The following PCDH15 variants were observed in gnomAD, a reference collection of about 807,000 sequenced individuals.
The protein encoded by PCDH15 is protocadherin related 15.
Under a neutral mutation model 178.5 loss-of-function variants are expected in PCDH15, and 129 were observed. The ratio of observed to expected loss-of-function variants is 0.72; its 90% CI spans 0.63 to 0.84. The LOEUF (loss-of-function observed/expected upper bound fraction) is 0.84. PCDH15 is among the 40% of genes least tolerant of loss of function. The probability of loss-of-function intolerance (pLI) is 0.00; values close to 1 mark genes in which losing one functional copy is unlikely to be tolerated. For synonymous variants in PCDH15, 800 were observed against 732.0 expected (o/e 1.09, Z -1.50); for missense variants, 2,230 against 2,099.9 (o/e 1.06, Z -1.21).
intron 13 of PCDH15, among the ~76,000 whole-genome samples, chr10:54,157,610 T>C (rs1294662042): frequency 6.6e-6 from 1 of 152,224 alleles, no homozygotes; most frequent in Non-Finnish European, 1.5e-5. Context: ...TTTTCCCCAT[T>C]GTCTTGGGGA....
chr10:53,844,488 A>C (rs2077851149), intron 28 of PCDH15, among the ~76,000 whole-genome samples: 1 of 151,998 alleles, frequency 6.6e-6, no homozygotes, highest in Admixed American at 6.6e-5. Context: ...CAAGAAACAG[A>C]AAATTTGCTT....
In PCDH15 at chr10:55,060,032, A is replaced by G. The variant is rs60345363; in HGVS notation, c.-80+106544T>C. On this transcript the variant is annotated intron_variant, in intron 2 of 5. Transcript: ENST00000458638. ...ATTGGAACAACTTATTCCTGATTAC[A>G]TATTCCCACTGTTCAGCTCTACTGC... Among the ~76,000 whole-genome samples, 746 of 152,204 alleles carry G rather than the reference A, an allele frequency of 4.9e-3. 3 individuals carry two copies. The highest frequency in any genetic ancestry group is 0.017 in the African/African-American group (719 of 41,554).
At chr10:54,324,266 C>T (rs2061795118) in intron 7 of PCDH15, among the ~76,000 whole-genome samples, 1 of 151,952 alleles carries the variant, frequency 6.6e-6, no homozygotes, top group African/African-American at 2.4e-5. Context: ...GCAATGCTTA[C>T]ACATTTTATT....
intron 2 of PCDH15, among the ~76,000 whole-genome samples, chr10:55,412,938 CTG>C (rs1432869977): frequency 6.7e-6 from 1 of 150,084 alleles, no homozygotes; most frequent in Admixed American, 6.7e-5. Flanking sequence ...TGAACTGCAA[CTG>C]TGTCTGTATA....
At chr10:53,977,729 C>A (rs562834701) in intron 21 of PCDH15, among the ~76,000 whole-genome samples, 1 of 152,310 alleles carries the variant, frequency 6.6e-6, no homozygotes, top group African/African-American at 2.4e-5. Context: ...CAAGTACCTT[C>A]TGCTTATGAG....
intron 20 of PCDH15, among the ~76,000 whole-genome samples, chr10:53,997,536 T>G: frequency 6.6e-6 from 1 of 152,188 alleles, no homozygotes; most frequent in East Asian, 1.9e-4. Flanking sequence ...AATTTTATTC[T>G]TTATTTTATT....
At chr10:54,503,947 A>G (rs1300236134) in intron 3 of PCDH15, among the ~76,000 whole-genome samples, 11 of 152,038 alleles carry the variant, frequency 7.2e-5, no homozygotes, top group Admixed American at 7.2e-4. Flanking sequence ...AGTGTCCGGA[A>G]TTTTCCTCTT....
chr10:53,968,133 A>T (rs1394014107), intron 21 of PCDH15, among the ~76,000 whole-genome samples: 1 of 152,166 alleles, frequency 6.6e-6, no homozygotes, highest in East Asian at 1.9e-4. Context: ...GGTACCTGGA[A>T]AATTGGTACA....
intron 23 of PCDH15, among the ~76,000 whole-genome samples, chr10:53,944,271 T>C (rs1234843100): frequency 2.6e-5 from 4 of 152,168 alleles, no homozygotes; most frequent in Non-Finnish European, 5.9e-5. Context: ...ATGACTACAT[T>C]TGATCTATGG....
At chr10:54,703,831 A>G (rs192284074) in intron 1 of PCDH15, among the ~76,000 whole-genome samples, 147 of 152,268 alleles carry the variant, frequency 9.7e-4, no homozygotes, top group African/African-American at 3.4e-3. Flanking sequence ...AGCTGGAGGC[A>G]TCACATTACC....
At chr10:54,117,318 C>A (rs2095132373) in intron 15 of PCDH15, among the ~76,000 whole-genome samples, 1 of 152,058 alleles carries the variant, frequency 6.6e-6, no homozygotes, top group African/African-American at 2.4e-5. Flanking sequence ...CAGATGCAGG[C>A]ACCTGCATCT....
intron 25 of PCDH15, among the ~76,000 whole-genome samples, chr10:53,923,895 C>T (rs953452713): frequency 6.6e-6 from 1 of 152,200 alleles, no homozygotes. Flanking sequence ...TTTTCTCAAA[C>T]TCAGTCTTTC....
chr10:54,638,167 T>TG (rs1383502348), intron 2 of PCDH15, among the ~76,000 whole-genome samples: 2 of 151,846 alleles, frequency 1.3e-5, no homozygotes, highest in African/African-American at 2.4e-5. Flanking sequence ...GATGGTCTCA[T>TG]GAAAAAAAAG....
chr10:54,738,584 C>A (rs72794587), intron 1 of PCDH15, among the ~76,000 whole-genome samples: 1 of 151,786 alleles, frequency 6.6e-6, no homozygotes, highest in African/African-American at 2.4e-5. Flanking sequence ...CATACCAAAA[C>A]CAGACAAACA....
chr10:55,293,848 T>G (rs1843071825), intron 1 of PCDH15, among the ~76,000 whole-genome samples: 1 of 152,168 alleles, frequency 6.6e-6, no homozygotes, highest in South Asian at 2.1e-4. Context: ...ATTTCCAGTC[T>G]TCTTCTGAGC....
At chr10:54,561,606 G>T (rs1459610856) in intron 2 of PCDH15, among the ~76,000 whole-genome samples, 11 of 151,994 alleles carry the variant, frequency 7.2e-5, no homozygotes, top group Admixed American at 6.6e-4. Flanking sequence ...AAGGAGAAAG[G>T]TCTCTTCAAA....
chr10:55,063,396 A>G (rs781575284), intron 2 of PCDH15, among the ~76,000 whole-genome samples: 1 of 152,102 alleles, frequency 6.6e-6, no homozygotes, highest in Non-Finnish European at 1.5e-5. Flanking sequence ...CTGAAACAAT[A>G]TATCTGTCAC....
intron 3 of PCDH15, among the ~76,000 whole-genome samples, chr10:54,856,437 T>C (rs1953744054): frequency 6.6e-6 from 1 of 152,198 alleles, no homozygotes; most frequent in Non-Finnish European, 1.5e-5. Context: ...AAAGACTTCA[T>C]ACTCTAAAGC....
chr10:55,047,940 T>C (rs1841053770), intron 2 of PCDH15, among the ~76,000 whole-genome samples: 1 of 151,836 alleles, frequency 6.6e-6, no homozygotes. Flanking sequence ...TGTTACTAAG[T>C]TGAAAAGTGG....
Sources: allele counts gnomAD v4.1 joint callset (sites outside exome capture counted in the v4.1 genomes callset), GRCh38; gene constraint gnomAD v4.1.1; transcripts MANE v1.5; gene names NCBI Gene and HGNC (gene_info 2026-07-23, HGNC 2026-07-21).